DLGAP2: variants seen among roughly 807,000 people sequenced by gnomAD.
The protein encoded by DLGAP2 is disks large-associated protein 2.
In DLGAP2, 26 loss-of-function variants were observed where a neutral mutation model predicts 100.3. That is an observed-to-expected ratio of 0.26 (90% CI 0.19 to 0.36). The LOEUF is 0.36. DLGAP2 is among the 10% of genes least tolerant of loss of function. The pLI is 1.00. For missense variants in DLGAP2, 1,858 were observed against 1,453.2 expected (o/e 1.28, Z -4.53); for synonymous variants, 886 against 630.1 (o/e 1.41, Z -6.08).
chr8:808,434 C>T (rs1014056166), intron 1 of DLGAP2, among the ~76,000 whole-genome samples: 6 of 152,128 alleles, frequency 3.9e-5, no homozygotes, highest in African/African-American at 1.4e-4. Context: ...CACATTCAGT[C>T]CTAGGAGAGG....
rs149046953 is a variant in DLGAP2, at chr8:1,072,986, C to T, written c.73+165020C>T. Among the ~76,000 whole-genome samples the T allele has an allele frequency of 8.3e-3, 1,266 of 152,208 alleles. 12 individuals carry two copies. Among genetic ancestry groups the T allele is most frequent in the African/African-American group, 0.028 (1,178 of 41,512 alleles). The stretch of plus-strand genomic sequence containing the variant: ...ACACATTAGGATTTTTAGCTGTATC[C>T]GACTAATTATCACTCCCCATTTGTA... On this transcript the variant is annotated intron_variant, in intron 2 of 14. Coordinates refer to ENST00000637795, the MANE Select transcript of DLGAP2 (RefSeq NM_001346810.2).
At chr8:1,263,784 G>A (rs1024075622) in intron 3 of DLGAP2, among the ~76,000 whole-genome samples, 2 of 152,072 alleles carry the variant, frequency 1.3e-5, no homozygotes, top group Admixed American at 6.5e-5. Flanking sequence ...GAGAGGGAGG[G>A]CACCACTGTT....
At chr8:988,622 C>G (rs1217211820) in intron 2 of DLGAP2, among the ~76,000 whole-genome samples, 1 of 152,184 alleles carries the variant, frequency 6.6e-6, no homozygotes, top group Admixed American at 6.5e-5. Flanking sequence ...TGTCCCACCC[C>G]ACGTGGACCT....
intron 7 of DLGAP2, among the ~76,000 whole-genome samples, chr8:1,632,148 A>G (rs1797663066): frequency 6.6e-6 from 1 of 152,104 alleles, no homozygotes; most frequent in South Asian, 2.1e-4. Context: ...AAGTGAGTAT[A>G]CTAATATCCT....
At chr8:1,424,932 A>C (rs1797198518) in intron 3 of DLGAP2, among the ~76,000 whole-genome samples, 2 of 152,222 alleles carry the variant, frequency 1.3e-5, no homozygotes, top group Admixed American at 6.5e-5. Flanking sequence ...AAGATCGAGA[A>C]GTTCTGGAGA....
intron 2 of DLGAP2, among the ~76,000 whole-genome samples, chr8:917,379 C>T (rs1358784047): frequency 2.6e-5 from 4 of 152,004 alleles, no homozygotes; most frequent in African/African-American, 9.7e-5. Flanking sequence ...GCTGAGACTA[C>T]AGGTGTGCGC....
intron 4 of DLGAP2, among the ~76,000 whole-genome samples, chr8:1,511,834 A>G (rs962726147): frequency 1.4e-4 from 7 of 50,282 alleles, no homozygotes; most frequent in South Asian, 1.6e-3. Context: ...AGTGTAAGAC[A>G]ATCAGTAGGT....
In DLGAP2 at chr8:1,511,521, G is replaced by A. The variant is rs1160627397; in HGVS notation, c.172+10090G>A. ...TCCATGGGCGTAAGTGCTGTCTAGT[G>A]TAAGACAGTCAATAGATGACCATCT... On this transcript the variant is annotated intron_variant, in intron 4 of 14. Transcript: ENST00000637795. Among the ~76,000 whole-genome samples, 4 of 151,470 alleles carry A rather than the reference G, an allele frequency of 2.6e-5. No homozygotes were observed. The East Asian group carries it at 5.9e-4, about 22-fold the overall frequency.
chr8:1,505,425 G>T (rs973432731), intron 4 of DLGAP2, among the ~76,000 whole-genome samples: 4 of 152,146 alleles, frequency 2.6e-5, no homozygotes, highest in African/African-American at 9.7e-5. Context: ...AAGCTCCAAG[G>T]AAAGCTGAGT....
intron 1 of DLGAP2, among the ~76,000 whole-genome samples, chr8:748,415 C>A (rs1820706771): frequency 6.6e-6 from 1 of 152,040 alleles, no homozygotes; most frequent in Admixed American, 6.6e-5. Flanking sequence ...TCCACGTAGC[C>A]ACAGGGGTGC....
chr8:1,207,050 C>G (rs1024466799), intron 2 of DLGAP2, among the ~76,000 whole-genome samples: 1 of 152,192 alleles, frequency 6.6e-6, no homozygotes, highest in African/African-American at 2.4e-5. Flanking sequence ...CTCTCCATTC[C>G]TAGATGTGTC....
Position 1,626,808 on chromosome 8 carries a change from A to G in DLGAP2, c.1511A>G (p.Asn504Ser), listed in dbSNP as rs780086050. ...GHSLDPAANY[N>S]SPKFRSRNQS... Reference sequence around the variant, plus strand: ...AGCCTGGACCCCGCTGCGAACTACAACTCCCCGAAATTCCGCTCCCGGAAC... The same window carrying G: ...AGCCTGGACCCCGCTGCGAACTACAGCTCCCCGAAATTCCGCTCCCGGAAC... The change falls in exon 7 of 15, where the codon AAC (asparagine) becomes AGC (serine). Residue 504 changes from asparagine to serine, a missense_variant. Coordinates refer to ENST00000637795, the MANE Select transcript of DLGAP2 (RefSeq NM_001346810.2). The G allele has an allele frequency of 4.4e-5, 70 of 1,604,436 alleles. No homozygotes were observed. Among genetic ancestry groups the G allele is most frequent in the South Asian group, 9.0e-5 (8 of 88,430 alleles).
chr8:969,436 C>T (rs1799960599), intron 2 of DLGAP2, among the ~76,000 whole-genome samples: 1 of 151,954 alleles, frequency 6.6e-6, no homozygotes, highest in South Asian at 2.1e-4. Flanking sequence ...GACGAATACA[C>T]AAACCAGTGC....
chr8:1,594,341 C>G (rs1160623822), intron 6 of DLGAP2, among the ~76,000 whole-genome samples: 1 of 151,988 alleles, frequency 6.6e-6, no homozygotes, highest in Admixed American at 6.6e-5. Context: ...CCCCTAAGGT[C>G]AAGAGAACAA....
intron 2 of DLGAP2, among the ~76,000 whole-genome samples, chr8:1,183,180 C>G (rs1296288783): frequency 6.6e-6 from 1 of 151,930 alleles, no homozygotes; most frequent in African/African-American, 2.4e-5. Flanking sequence ...CAGCCAGGAT[C>G]TAGGATGGAG....
intron 3 of DLGAP2, among the ~76,000 whole-genome samples, chr8:1,320,203 T>G (rs1285285870): frequency 6.6e-6 from 1 of 151,608 alleles, no homozygotes; most frequent in East Asian, 1.9e-4. Flanking sequence ...TTTCCGGAAA[T>G]GGGGAAGGGT....
At chr8:801,866 A>T (rs1310084817) in intron 1 of DLGAP2, among the ~76,000 whole-genome samples, 1 of 151,868 alleles carries the variant, frequency 6.6e-6, no homozygotes. Flanking sequence ...TTCGTACCTG[A>T]GCCGCCTGAC....
chr8:964,968 C>T (rs1338128428), intron 2 of DLGAP2, among the ~76,000 whole-genome samples: 1 of 152,154 alleles, frequency 6.6e-6, no homozygotes, highest in African/African-American at 2.4e-5. Flanking sequence ...CTGAGCCCAA[C>T]CCCCGCGTGC....
At chr8:1,086,632 T>C (rs1803982198) in intron 2 of DLGAP2, among the ~76,000 whole-genome samples, 1 of 152,058 alleles carries the variant, frequency 6.6e-6, no homozygotes, top group African/African-American at 2.4e-5. Flanking sequence ...AAAATAGACT[T>C]AAAGTCAAAA....
Sources: gnomAD v4.1 joint callset for allele counts (sites outside exome capture counted in the v4.1 genomes callset) on GRCh38, gnomAD v4.1.1 for gene constraint, MANE v1.5 for transcripts, NCBI Gene and HGNC (gene_info 2026-07-23, HGNC 2026-07-21) for gene names.